The following KLHL15 variants were observed in gnomAD, a reference collection of about 807,000 sequenced individuals.
KLHL15 encodes the protein kelch like family member 15, also known as kelch-like protein 15.
A neutral mutation model predicts 29.3 loss-of-function variants in KLHL15; 1 was observed. That is an observed-to-expected ratio of 0.03 (90% confidence interval 0.01 to 0.16). The LOEUF is 0.16. Among genes scored for constraint, KLHL15 ranks in the 10% least tolerant of loss-of-function variants. The pLI is 1.00. For missense variants in KLHL15, 215 were observed against 478.5 expected (o/e 0.45, Z 5.14); for synonymous variants, 212 against 184.5 (o/e 1.15, Z -1.21).
chrX:24,024,624 G>A (rs1342402801), intron 2 of KLHL15, among the ~76,000 whole-genome samples: 1 of 113,005 alleles, frequency 8.8e-6, no homozygotes, highest in Non-Finnish European at 1.9e-5. Flanking sequence ...ACCTGCAGCT[G>A]TGTGCTGCAA....
In KLHL15 at chrX:23,984,489, A is replaced by G. The variant is rs190789376; in HGVS notation, c.*3432T>C. On this transcript the variant is annotated 3_prime_UTR_variant, in exon 4 of 4. Transcript: ENST00000328046. ...CTGGCACTAGCAGTTTTACTGCCAT[A>G]TAGCCCTCAATTATATCTGATTTAC... 19 of 112,342 alleles carry G rather than the reference A, an allele frequency of 1.7e-4. No individual in the cohort carries two copies. Among genetic ancestry groups the G allele is most frequent in the African/African-American group, 6.1e-4 (19 of 31,069 alleles). The allele number at this position is 112,342 out of a possible 1,213,427, so 9.3% of individuals were successfully genotyped here.
At chrX:24,025,134 G>C (rs1389840402) in intron 1 of KLHL15, 76 bp from the exon 2 acceptor site, 1 of 292,858 alleles carries the variant, frequency 3.4e-6, no homozygotes, top group Non-Finnish European at 6.0e-6. Context: ...GTCGGGGCCC[G>C]GACCGACCTT....
At chrX:24,003,911 T>C (rs1022189606) in intron 3 of KLHL15, among the ~76,000 whole-genome samples, 4 of 104,551 alleles carry the variant, frequency 3.8e-5, no homozygotes, top group Non-Finnish European at 5.8e-5. Context: ...AGTGAGACCC[T>C]ATCTCTACAA....
intron 3 of KLHL15, among the ~76,000 whole-genome samples, chrX:24,003,066 C>T (rs1929363336): frequency 8.9e-6 from 1 of 112,466 alleles, no homozygotes; most frequent in South Asian, 3.6e-4. Context: ...ATGACCCAAG[C>T]TAGGCCACAG....
chrX:24,013,050 T>C (rs760350330), intron 2 of KLHL15, among the ~76,000 whole-genome samples: 68 of 111,924 alleles, frequency 6.1e-4, no homozygotes, highest in African/African-American at 2.0e-3. Context: ...ACTTTACTAA[T>C]ACATTTAAGA....
intron 2 of KLHL15, among the ~76,000 whole-genome samples, chrX:24,021,239 G>A (rs1232374433): frequency 1.8e-5 from 2 of 110,787 alleles, no homozygotes; most frequent in African/African-American, 3.3e-5. Context: ...TATCTCCCTT[G>A]GTGCCGCTGT....
chrX:24,011,637 C>A (rs1929577448), intron 2 of KLHL15, among the ~76,000 whole-genome samples: 1 of 109,337 alleles, frequency 9.1e-6, no homozygotes, highest in African/African-American at 3.3e-5. Flanking sequence ...GGGCAAGACT[C>A]TGTCTCAAAA....
intron 3 of KLHL15, among the ~76,000 whole-genome samples, chrX:23,999,484 A>C (rs913112260): frequency 2.8e-5 from 3 of 106,122 alleles, no homozygotes; most frequent in Non-Finnish European, 5.8e-5. Flanking sequence ...AATCCCAGCT[A>C]CTCGGGAGGC....
At chrX:24,014,860 AAGAG>A (rs1259860569) in intron 2 of KLHL15, among the ~76,000 whole-genome samples, 2 of 112,142 alleles carry the variant, frequency 1.8e-5, no homozygotes, top group Non-Finnish European at 3.8e-5. Context: ...CAAAGATAAA[AAGAG>A]AGAGACGTGT....
At chrX:23,996,207 C>A (rs916292386) in intron 3 of KLHL15, among the ~76,000 whole-genome samples, 2 of 112,140 alleles carry the variant, frequency 1.8e-5, no homozygotes, top group Admixed American at 1.9e-4. Flanking sequence ...TGTGAACAGG[C>A]ACCTCTCTGG....
Position 23,988,691 on chromosome X carries a change from C to T in KLHL15, c.1045G>A (p.Val349Ile). The change falls in exon 4 of 4, where the codon GTA (valine) becomes ATA (isoleucine). Residue 349 changes from valine (V) to isoleucine (I), a missense_variant. Transcript: ENST00000328046. ...TTCTGTCTCGGGTCATACCTGAATA[C>T]TTTGGAAGAAGCATGGAATTCACCA... ...PDGEFHASSK[V>I]FRYDPRQNSW... 8.3e-7 allele frequency: 1 copy of T among 1,211,777 alleles called. No homozygotes were observed. Among genetic ancestry groups the T allele is most frequent in the Non-Finnish European group, 1.1e-6 (1 of 895,567 alleles).
At position 23,988,403 on chromosome X, in the gene KLHL15, C is replaced by A. The variant is rs755741023; in HGVS notation, c.1333G>T (p.Val445Leu). The A allele has an allele frequency of 3.3e-6, 4 of 1,211,970 alleles. No individual in the cohort carries two copies. Among genetic ancestry groups the A allele is most frequent in the Non-Finnish European group, 4.5e-6 (4 of 895,579 alleles). ...TSSSTSKQVC[V>L]FDPSKEGTIE... is the part of the protein sequence containing the mutation. ...GTCCCTTCTTTGCTGGGGTCAAACACGCACACTTGCTTGGAGGTGGAAGAT... is the reference window on the plus strand; with the variant it reads ...GTCCCTTCTTTGCTGGGGTCAAACAAGCACACTTGCTTGGAGGTGGAAGAT... The change falls in exon 4 of 4, where the codon GTG becomes TTG. Residue 445 changes from valine to leucine, a missense_variant. By Grantham distance (32) the Val-to-Leu change is conservative. Coordinates refer to ENST00000328046, the MANE Select transcript of KLHL15 (RefSeq NM_030624.3).
intron 2 of KLHL15, among the ~76,000 whole-genome samples, chrX:24,021,029 G>C (rs1929792955): frequency 9.0e-6 from 1 of 111,503 alleles, no homozygotes; most frequent in African/African-American, 3.3e-5. Context: ...TGAGCTTTAA[G>C]GGTCTTACGT....
chrX:24,024,861 G>C lies in KLHL15; in HGVS notation c.-12C>G. 2 of 297,187 alleles carry C rather than the reference G, an allele frequency of 6.7e-6. No individual in the cohort carries two copies. Among genetic ancestry groups the C allele is most frequent in the Non-Finnish European group, 5.9e-6 (1 of 169,882 alleles). 24.5% of individuals were successfully genotyped at this position (297,187 alleles called of 1,213,427 possible). A position where few individuals can be genotyped will look rare whatever the true frequency, so the allele number is the denominator to read the frequency against. The stretch of plus-strand genomic sequence containing the variant: ...CGGCCAGGGGCGGCTACGTACCTCG[G>C]GGGGTCCTGTCCAGCCTCTAGTGGA... On this transcript the variant is annotated 5_prime_UTR_variant, in exon 2 of 4. Coordinates refer to ENST00000328046, the MANE Select transcript of KLHL15 (RefSeq NM_030624.3).
intron 3 of KLHL15, among the ~76,000 whole-genome samples, chrX:23,991,873 C>T (rs1227175025): frequency 8.9e-6 from 1 of 111,784 alleles, no homozygotes; most frequent in Non-Finnish European, 1.9e-5. Context: ...AAAAAACAAA[C>T]AAAAAACAAA....
rs997697361 is a variant in KLHL15 at position 23,985,280 on chromosome X, A to C, written c.*2641T>G. On this transcript the variant is annotated 3_prime_UTR_variant, in exon 4 of 4. Transcript: ENST00000328046. ...TTCAAAAAACTACTTTTTTGAGCGC[A>C]ATGTATATAAACAAAAACTCCAAAT... 5 of 111,911 alleles carry C rather than the reference A, an allele frequency of 4.5e-5. No homozygotes were observed. Among genetic ancestry groups the C allele is most frequent in the Non-Finnish European group, 7.5e-5 (4 of 53,153 alleles). 9.2% of individuals were successfully genotyped at this position (111,911 alleles called of 1,213,427 possible).
chrX:24,007,505 AAAAATATATAT>A (rs1486351503), intron 2 of KLHL15, among the ~76,000 whole-genome samples: 572 of 56,462 alleles, frequency 0.01, 6 homozygotes, highest in African/African-American at 0.051. Flanking sequence ...AAAAAAAAAA[AAAAATATATAT>A]ATATATATAT....
intron 3 of KLHL15, among the ~76,000 whole-genome samples, chrX:23,999,008 C>T (rs745661097): frequency 5.0e-4 from 55 of 110,832 alleles, no homozygotes; most frequent in African/African-American, 1.8e-3. Flanking sequence ...TGGGTTCAAG[C>T]GGATTCTCCT....
chrX:23,995,874 A>C lies in KLHL15; in HGVS notation c.706-6844T>G, dbSNP rs768247292. Among the ~76,000 whole-genome samples, 8 of 111,545 alleles carry C rather than the reference A, an allele frequency of 7.2e-5. No individual in the cohort carries two copies. The East Asian group carries it at 2.0e-3, about 28-fold the overall frequency. On this transcript the variant is annotated intron_variant, in intron 3 of 3. Coordinates refer to ENST00000328046, the MANE Select transcript of KLHL15 (RefSeq NM_030624.3). ...AAGTGATTCTCCTGCCTGTCTCCCG[A>C]GTAGCTGGGATTACAGGCACATGCC...
Sources: gnomAD v4.1 joint callset for allele counts (sites outside exome capture counted in the v4.1 genomes callset) on GRCh38, gnomAD v4.1.1 for gene constraint, MANE v1.5 for transcripts, NCBI Gene and HGNC (gene_info 2026-07-23, HGNC 2026-07-21) for gene names.